Variants in ADAMTS16 observed in about 807,000 individuals in gnomAD.
ADAMTS16 encodes the protein ADAM metallopeptidase with thrombospondin type 1 motif 16.
In ADAMTS16, 94 loss-of-function variants were observed where a neutral mutation model predicts 145.8. That is an observed-to-expected ratio of 0.64 (90% confidence interval 0.55 to 0.77). ADAMTS16 has a LOEUF of 0.77. ADAMTS16 is among the 30% of genes least tolerant of loss of function. The pLI, the probability that ADAMTS16 is intolerant of heterozygous loss-of-function variation, is 0.00. For synonymous variants in ADAMTS16, 659 were observed against 604.3 expected (o/e 1.09, Z -1.33); for missense variants, 1,585 against 1,591.5 (o/e 1.00, Z 0.07).
chr5:5,177,540 A>C (rs943448135), intron 3 of ADAMTS16, among the ~76,000 whole-genome samples: 3 of 152,204 alleles, frequency 2.0e-5, no homozygotes, highest in Non-Finnish European at 4.4e-5. Flanking sequence ...ATTTTAGCCA[A>C]ATTTTTTTTT....
intron 3 of ADAMTS16, among the ~76,000 whole-genome samples, chr5:5,165,361 C>T (rs1304537909): frequency 6.6e-5 from 10 of 152,140 alleles, no homozygotes; most frequent in Admixed American, 2.6e-4. Flanking sequence ...TTGGATTGAC[C>T]GAGCTTCAAT....
intron 18 of ADAMTS16, among the ~76,000 whole-genome samples, chr5:5,294,074 C>A (rs16875287): frequency 6.6e-6 from 1 of 152,096 alleles, no homozygotes; most frequent in African/African-American, 2.4e-5. Flanking sequence ...TTCATGTTCG[C>A]GCTGGAAATA....
chr5:5,252,609 A>G (rs1008023660), intron 17 of ADAMTS16, among the ~76,000 whole-genome samples: 4 of 152,164 alleles, frequency 2.6e-5, no homozygotes, highest in Non-Finnish European at 5.9e-5. Context: ...TAAAAAGAGG[A>G]AAACAATTTC....
At chr5:5,258,359 C>T (rs1186496034) in intron 17 of ADAMTS16, among the ~76,000 whole-genome samples, 3 of 152,206 alleles carry the variant, frequency 2.0e-5, no homozygotes, top group Non-Finnish European at 4.4e-5. Context: ...AGCAGACTTA[C>T]ACTTCTCAAA....
intron 10 of ADAMTS16, among the ~76,000 whole-genome samples, chr5:5,214,789 A>G (rs1736374879): frequency 6.6e-6 from 1 of 152,230 alleles, no homozygotes; most frequent in African/African-American, 2.4e-5. Flanking sequence ...TGGTGTGGCA[A>G]TTAGAGATTT....
chr5:5,294,103 G>C (rs753631911), intron 18 of ADAMTS16, among the ~76,000 whole-genome samples: 1 of 152,192 alleles, frequency 6.6e-6, no homozygotes, highest in Non-Finnish European at 1.5e-5. Context: ...TGGCAGCAGA[G>C]TGGAGATTAG....
chr5:5,176,852 C>T (rs1218567531), intron 3 of ADAMTS16, among the ~76,000 whole-genome samples: 1 of 152,180 alleles, frequency 6.6e-6, no homozygotes, highest in Non-Finnish European at 1.5e-5. Context: ...GCATGTTGGC[C>T]ATCTGAGACA....
chr5:5,177,136 G>A (rs992544429), intron 3 of ADAMTS16, among the ~76,000 whole-genome samples: 6 of 152,208 alleles, frequency 3.9e-5, no homozygotes, highest in African/African-American at 1.4e-4. Flanking sequence ...CACTGCAGGA[G>A]GAACTGGGGT....
intron 17 of ADAMTS16, among the ~76,000 whole-genome samples, chr5:5,245,580 C>A (rs1368349825): frequency 6.6e-6 from 1 of 152,142 alleles, no homozygotes; most frequent in African/African-American, 2.4e-5. Context: ...TTTCTTAGCT[C>A]TCTCTTTGAG....
intron 18 of ADAMTS16, among the ~76,000 whole-genome samples, chr5:5,272,154 G>A (rs867845970): frequency 6.6e-6 from 1 of 152,068 alleles, no homozygotes; most frequent in Non-Finnish European, 1.5e-5. Context: ...TGCTTAGGTG[G>A]TGTTTGTGTA....
chr5:5,262,224 A>G lies in ADAMTS16; in HGVS notation c.2663-433A>G, dbSNP rs139870515. Among the ~76,000 whole-genome samples the G allele has an allele frequency of 2.9e-3, 439 of 152,276 alleles. 3 individuals are homozygous for G. The highest frequency in any genetic ancestry group is 9.9e-3 in the African/African-American group (413 of 41,554). ...CAAACTGCTTGTTAGTTTGTTGTCT[A>G]TGTTTCCTGCTGATTTATTACTGTT... On this transcript the variant is annotated intron_variant, in intron 17 of 22. Transcript: ENST00000274181.
At chr5:5,163,491 T>C (rs1163862511) in intron 3 of ADAMTS16, among the ~76,000 whole-genome samples, 5 of 152,208 alleles carry the variant, frequency 3.3e-5, no homozygotes, top group African/African-American at 1.2e-4. Context: ...GGGGCTGGAA[T>C]TTATGAATGG....
chr5:5,218,994 C>T (rs1267793593), intron 10 of ADAMTS16, among the ~76,000 whole-genome samples: 2 of 152,084 alleles, frequency 1.3e-5, no homozygotes, highest in Non-Finnish European at 2.9e-5. Context: ...GGCACAGGAT[C>T]GGGGGCGTGG....
intron 3 of ADAMTS16, among the ~76,000 whole-genome samples, chr5:5,162,652 C>A (rs1380079474): frequency 6.6e-6 from 1 of 152,022 alleles, no homozygotes; most frequent in East Asian, 1.9e-4. Flanking sequence ...TGGAGGGCTT[C>A]TTTAACTTTC....
chr5:5,166,725 C>T (rs1351112482), intron 3 of ADAMTS16, among the ~76,000 whole-genome samples: 1 of 152,204 alleles, frequency 6.6e-6, no homozygotes, highest in African/African-American at 2.4e-5. Context: ...TGAGCTGTCC[C>T]TTCCATAGGA....
intron 17 of ADAMTS16, among the ~76,000 whole-genome samples, chr5:5,253,785 C>G (rs1380420617): frequency 1.3e-5 from 2 of 152,218 alleles, no homozygotes; most frequent in Non-Finnish European, 2.9e-5. Context: ...TCCCTGGCCT[C>G]CCTGCAGCCT....
At chr5:5,244,252 C>T (rs1031444444) in intron 17 of ADAMTS16, among the ~76,000 whole-genome samples, 4 of 152,178 alleles carry the variant, frequency 2.6e-5, no homozygotes, top group East Asian at 1.9e-4. Context: ...CCTCTGTTTT[C>T]GTAGATGGAT....
intron 17 of ADAMTS16, among the ~76,000 whole-genome samples, chr5:5,261,151 T>A (rs1738000970): frequency 6.6e-6 from 1 of 152,164 alleles, no homozygotes; most frequent in African/African-American, 2.4e-5. Context: ...CTGCATCAAC[T>A]CGTTTGAGAT....
chr5:5,222,929 C>G (rs761491692), intron 11 of ADAMTS16, 45 bp downstream of exon 11: 1 of 1,563,744 alleles, frequency 6.4e-7, no homozygotes, highest in South Asian at 1.1e-5. Flanking sequence ...AGATGCTAGT[C>G]TTTCAACCCA....
Sources: allele counts gnomAD v4.1 joint callset (sites outside exome capture counted in the v4.1 genomes callset), GRCh38; gene constraint gnomAD v4.1.1; transcripts MANE v1.5; gene names NCBI Gene and HGNC (gene_info 2026-07-23, HGNC 2026-07-21).